The following CXADR variants were observed in gnomAD, a reference collection of about 807,000 sequenced individuals.
CXADR encodes the protein coxsackievirus and adenovirus receptor.
A neutral mutation model predicts 40.3 loss-of-function variants in CXADR; 20 were observed. The ratio of observed to expected loss-of-function variants is 0.50; its 90% CI spans 0.35 to 0.72. CXADR has a LOEUF of 0.72. Ranked by LOEUF, CXADR falls within the 30% of genes least tolerant of loss-of-function variation. The pLI is 0.01. For synonymous variants in CXADR, 150 were observed against 161.3 expected (o/e 0.93, Z 0.53); for missense variants, 332 against 449.1 (o/e 0.74, Z 2.36).
chr21:17,560,850 G>A (rs1250434997), intron 5 of CXADR, 26 bp downstream of exon 5: 8 of 1,610,936 alleles, frequency 5.0e-6, no homozygotes, highest in Non-Finnish European at 6.8e-6. Flanking sequence ...TCTGTTGGTG[G>A]TTTTGTTTCT....
chr21:17,529,961 TA>T (rs767154800), intron 1 of CXADR, among the ~76,000 whole-genome samples: 1 of 151,316 alleles, frequency 6.6e-6, no homozygotes, highest in Non-Finnish European at 1.5e-5. Flanking sequence ...TTTTTTTTTT[TA>T]ATTTGAGATG....
intron 6 of CXADR, among the ~76,000 whole-genome samples, chr21:17,564,091 G>A (rs2061167568): frequency 6.6e-6 from 1 of 151,864 alleles, no homozygotes; most frequent in Admixed American, 6.6e-5. Flanking sequence ...AAACGAGTAT[G>A]GCTGTATTTT....
At chr21:17,594,176 T>C (rs769024811), downstream of CXADR, 2 of 1,613,342 alleles carry the variant, frequency 1.2e-6, no homozygotes, top group Non-Finnish European at 8.5e-7. Context: ...GTCACTGGAA[T>C]TGGGCGATAT....
At position 17,566,328 on chromosome 21, in the gene CXADR, G is replaced by A. The variant is rs2061208269; in HGVS notation, c.*636G>A. The A allele has an allele frequency of 2.0e-6, 2 of 984,162 alleles. No individual in the cohort carries two copies. The highest frequency in any genetic ancestry group is 2.4e-6 in the Non-Finnish European group (2 of 828,792). The allele number at this position is 984,162 out of a possible 1,614,324, so 61.0% of individuals were successfully genotyped here. On this transcript the variant is annotated 3_prime_UTR_variant, in exon 7 of 7. Coordinates refer to ENST00000284878, the MANE Select transcript of CXADR (RefSeq NM_001338.5). ...TGACTTCTTAAATATTTAGTTGATA[G>A]ACTGCTACAGGTAATAGGGACTTAG...
chr21:17,629,699 A>G, the CXADR span, among the ~76,000 whole-genome samples: 2 of 152,184 alleles, frequency 1.3e-5, no homozygotes, highest in Admixed American at 1.3e-4. Context: ...GGAGCTGGGC[A>G]TGGTGGTGGA....
intron 7 of CXADR, among the ~76,000 whole-genome samples, chr21:17,587,088 A>G (rs1039262250): frequency 1.3e-5 from 2 of 152,230 alleles, no homozygotes; most frequent in African/African-American, 2.4e-5. Context: ...TTATGGCTGC[A>G]TAGTATCCCA....
the CXADR span, among the ~76,000 whole-genome samples, chr21:17,627,573 G>A: frequency 6.6e-6 from 1 of 152,180 alleles, no homozygotes; most frequent in Non-Finnish European, 1.5e-5. Context: ...AGAATTGCTT[G>A]AGCCCAAGAG....
At chr21:17,587,752 T>G (rs1040396314) in intron 7 of CXADR, among the ~76,000 whole-genome samples, 3 of 151,798 alleles carry the variant, frequency 2.0e-5, no homozygotes, top group Admixed American at 6.6e-5. Flanking sequence ...TAGATCCCAT[T>G]TGTCAATTTT....
At chr21:17,547,762 A>T (rs376755392) in intron 2 of CXADR, among the ~76,000 whole-genome samples, 4 of 151,744 alleles carry the variant, frequency 2.6e-5, no homozygotes, top group African/African-American at 9.7e-5. Flanking sequence ...TTTTAAATTT[A>T]TTTTTTTTAC....
the CXADR span, among the ~76,000 whole-genome samples, chr21:17,608,441 G>A: frequency 8.6e-5 from 13 of 151,608 alleles, no homozygotes; most frequent in Non-Finnish European, 1.5e-4. Flanking sequence ...TCACAGGTGA[G>A]TCACATTCAT....
At chr21:17,582,466 G>T (rs2061368260) in intron 7 of CXADR, among the ~76,000 whole-genome samples, 1 of 498 alleles carries the variant, frequency 2.0e-3, no homozygotes, top group African/African-American at 8.5e-3. Context: ...AAACCATTCT[G>T]GTTCAACACT....
intron 4 of CXADR, 97 bp downstream of exon 4, chr21:17,559,228 AC>A: frequency 8.0e-7 from 1 of 1,248,028 alleles, no homozygotes; most frequent in Non-Finnish European, 1.1e-6. Context: ...TTGCTCTGTC[AC>A]CCAGGCTCAC....
downstream of CXADR, chr21:17,570,112 T>C: frequency 1.0e-6 from 1 of 985,420 alleles, no homozygotes; most frequent in Non-Finnish European, 1.2e-6. Flanking sequence ...CTCTGCCTCA[T>C]GGTGTGGCTT....
chr21:17,524,377 C>T (rs2060570453), intron 1 of CXADR, among the ~76,000 whole-genome samples: 1 of 151,302 alleles, frequency 6.6e-6, no homozygotes, highest in African/African-American at 2.4e-5. Context: ...GCCTGGCCAA[C>T]ATAGTGAAAC....
chr21:17,592,628 ATTTT>A (rs886549008), intron 7 of CXADR, among the ~76,000 whole-genome samples: 3 of 151,262 alleles, frequency 2.0e-5, no homozygotes, highest in African/African-American at 7.3e-5. Context: ...TCTGAAAGTA[ATTTT>A]TTTTTCCTTT....
intron 4 of CXADR, 111 bp downstream of exon 4, chr21:17,559,242 C>T (rs1256192500): frequency 7.2e-6 from 8 of 1,114,022 alleles, no homozygotes; most frequent in Middle Eastern, 2.0e-4. Flanking sequence ...AGGCTCACTG[C>T]AATCACGGCT....
chr21:17,552,961 T>C (rs758249230), intron 3 of CXADR, among the ~76,000 whole-genome samples: 14 of 152,164 alleles, frequency 9.2e-5, no homozygotes, highest in Non-Finnish European at 1.5e-4. Flanking sequence ...CACACTCTGT[T>C]ACCCAGGCTA....
rs767919863 is a variant in CXADR at position 17,560,674 on chromosome 21, G to GTTTGTTTTC, written c.572-24_572-16dup. On this transcript the variant is annotated intron_variant, in intron 4 of 6. Coordinates refer to ENST00000284878, the MANE Select transcript of CXADR (RefSeq NM_001338.5). ...ATAACAATACATACTATAAAAATGA[G>GTTTGTTTTC]TTTGTTTTCTTTTTCCTCCTTCCAT... The GTTTGTTTTC allele has an allele frequency of 1.9e-6, 3 of 1,600,238 alleles. No individual in the cohort carries two copies. In the Admixed American group the frequency reaches 5.0e-5, roughly 27 times the overall value.
At chr21:17,571,848 C>A (rs1454930970), downstream of CXADR, among the ~76,000 whole-genome samples, 4 of 152,154 alleles carry the variant, frequency 2.6e-5, no homozygotes, top group South Asian at 4.1e-4. Flanking sequence ...TGGCACAAAA[C>A]CTTTGCATTC....
Sources: allele counts gnomAD v4.1 joint callset (sites outside exome capture counted in the v4.1 genomes callset), GRCh38; gene constraint gnomAD v4.1.1; transcripts MANE v1.5; gene names NCBI Gene and HGNC (gene_info 2026-07-23, HGNC 2026-07-21).